Variants in TRHDE observed in about 807,000 individuals in gnomAD.
TRHDE encodes the protein thyrotropin releasing hormone degrading enzyme.
In TRHDE, 72 loss-of-function variants were observed where a neutral mutation model predicts 125.7. The observed-to-expected ratio is 0.57, with a 90% CI of 0.47 to 0.70. The LOEUF is 0.70. Among genes scored for constraint, TRHDE ranks in the 30% least tolerant of loss-of-function variants. The probability of loss-of-function intolerance (pLI) is 0.00; values close to 1 mark genes in which losing one functional copy is unlikely to be tolerated. For synonymous variants in TRHDE, 509 were observed against 509.1 expected (o/e 1.00, Z 0.00); for missense variants, 1,110 against 1,327.1 (o/e 0.84, Z 2.54).
chr12:72,109,202 A>G (rs949491420), intron 2 of TRHDE, among the ~76,000 whole-genome samples: 1 of 152,066 alleles, frequency 6.6e-6, no homozygotes, highest in Admixed American at 6.6e-5. Context: ...GCAGTAGAGT[A>G]GAGTAAGAAT....
chr12:72,152,512 A>T (rs1876392740), intron 2 of TRHDE, among the ~76,000 whole-genome samples: 1 of 152,196 alleles, frequency 6.6e-6, no homozygotes, highest in Admixed American at 6.5e-5. Context: ...TTGTCCATTC[A>T]GTATGATATT....
At chr12:72,126,329 C>T (rs12579260) in intron 2 of TRHDE, among the ~76,000 whole-genome samples, 6,839 of 152,118 alleles carry the variant, frequency 0.045, 297 homozygotes, top group South Asian at 0.11. Flanking sequence ...GCTACAAATG[C>T]CATTCTTCAC....
At chr12:72,597,762 T>TAGATAC (rs1555200904) in intron 12 of TRHDE, among the ~76,000 whole-genome samples, 1 of 80,682 alleles carries the variant, frequency 1.2e-5, no homozygotes. Context: ...TATATATGCA[T>TAGATAC]ACACACACAA....
At chr12:72,386,035 T>C (rs2135785568) in intron 3 of TRHDE, among the ~76,000 whole-genome samples, 1 of 152,360 alleles carries the variant, frequency 6.6e-6, no homozygotes, top group East Asian at 1.9e-4. Flanking sequence ...CCTCTTCTCC[T>C]AGAAGCTTAA....
chr12:72,184,271 G>A (rs1877156542), intron 2 of TRHDE, among the ~76,000 whole-genome samples: 1 of 152,106 alleles, frequency 6.6e-6, no homozygotes, highest in African/African-American at 2.4e-5. Context: ...TGGATGTACA[G>A]GCATAACTTT....
chr12:72,606,501 C>G lies in TRHDE; in HGVS notation c.2322-12390C>G, dbSNP rs1347195. On this transcript the variant is annotated intron_variant, in intron 12 of 18. Coordinates refer to ENST00000261180, the MANE Select transcript of TRHDE (RefSeq NM_013381.3). ...TACGAAATACTCTTCCATTTCTTGT[C>G]TTTTAACTCACGATGACGCTGGAAA... Among the ~76,000 whole-genome samples, 1,139 of 152,236 alleles carry G rather than the reference C, an allele frequency of 7.5e-3. 7 individuals are homozygous for G. Among genetic ancestry groups the G allele is most frequent in the Admixed American group, 0.018 (276 of 15,280 alleles).
At position 72,345,392 on chromosome 12, in the gene TRHDE, C is replaced by T. The variant is rs570876427; in HGVS notation, c.1189-32603C>T. On this transcript the variant is annotated intron_variant, in intron 2 of 18. Coordinates refer to ENST00000261180, the MANE Select transcript of TRHDE (RefSeq NM_013381.3). ...TTGAATGCAGAGCTGGGAAGAGATG[C>T]ATAGTCGCACACCATTGTCTAGTAT... is the stretch of plus-strand genomic sequence containing the variant. 2.0e-5 allele frequency among the ~76,000 whole-genome samples: 3 copies of T among 152,194 alleles called. No homozygotes were observed. In the Middle Eastern group the frequency reaches 0.01, roughly 518 times the overall value.
intron 3 of TRHDE, among the ~76,000 whole-genome samples, chr12:72,466,990 T>C (rs914316857): frequency 6.6e-6 from 1 of 152,226 alleles, no homozygotes; most frequent in African/African-American, 2.4e-5. Context: ...AAGGCAAAAC[T>C]GCGTCTATAT....
rs138013242 is a variant in TRHDE, at chr12:72,294,583, G to A, written c.1188+7629G>A. 4.7e-3 allele frequency among the ~76,000 whole-genome samples: 708 copies of A among 152,222 alleles called. 11 individuals carry two copies. The highest frequency in any genetic ancestry group is 0.016 in the African/African-American group (656 of 41,550). On this transcript the variant is annotated intron_variant, in intron 2 of 18. Transcript: ENST00000261180. Reference sequence around the variant, plus strand: ...CTGGCTGAGCATGGGGCTCTTATAAGCCTCAGAGGGGAGGAAGTGTACATT... The same window carrying A: ...CTGGCTGAGCATGGGGCTCTTATAAACCTCAGAGGGGAGGAAGTGTACATT...
Position 72,501,502 on chromosome 12 carries a change from T to G in TRHDE, c.1722+1867T>G, listed in dbSNP as rs367845269. Among the ~76,000 whole-genome samples, 146 of 152,266 alleles carry G rather than the reference T, an allele frequency of 9.6e-4. 2 individuals carry two copies. In the South Asian group the frequency reaches 0.029, roughly 30 times the overall value. ...ATATGGTGAATTATAATGATTAATTTTTTAATGTTAGACTATCTTTGCATT... is the reference window on the plus strand; with the variant it reads ...ATATGGTGAATTATAATGATTAATTGTTTAATGTTAGACTATCTTTGCATT... On this transcript the variant is annotated intron_variant, in intron 6 of 18. Coordinates refer to ENST00000261180, the MANE Select transcript of TRHDE (RefSeq NM_013381.3).
chr12:72,346,590 T>G (rs1422931039), intron 2 of TRHDE, among the ~76,000 whole-genome samples: 1 of 152,078 alleles, frequency 6.6e-6, no homozygotes, highest in Non-Finnish European at 1.5e-5. Context: ...AAAGGCACCC[T>G]ATGTACTACT....
chr12:72,307,910 C>T (rs1213367275), intron 2 of TRHDE, among the ~76,000 whole-genome samples: 1 of 152,100 alleles, frequency 6.6e-6, no homozygotes, highest in African/African-American at 2.4e-5. Flanking sequence ...ATTTTATGTG[C>T]ACCTGTAAAA....
intron 2 of TRHDE, among the ~76,000 whole-genome samples, chr12:72,127,099 C>A (rs961757426): frequency 2.0e-5 from 3 of 152,136 alleles, no homozygotes; most frequent in African/African-American, 7.2e-5. Context: ...AAAAAATGTT[C>A]TTTCTCACTA....
intron 6 of TRHDE, among the ~76,000 whole-genome samples, chr12:72,534,809 A>G (rs918891562): frequency 3.3e-5 from 5 of 152,076 alleles, no homozygotes; most frequent in Admixed American, 6.6e-5. Flanking sequence ...TATAGAGCTC[A>G]GAATATAGGA....
At chr12:72,595,653 G>A (rs1440563037) in intron 12 of TRHDE, among the ~76,000 whole-genome samples, 2 of 152,106 alleles carry the variant, frequency 1.3e-5, no homozygotes, top group Non-Finnish European at 2.9e-5. Flanking sequence ...AATTAAGTAT[G>A]AACATAGTCT....
At chr12:72,124,135 G>A (rs17110876) in intron 2 of TRHDE, among the ~76,000 whole-genome samples, 2,045 of 152,114 alleles carry the variant, frequency 0.013, 86 homozygotes, top group East Asian at 0.09. Context: ...CATCTAATTC[G>A]TAGTGCCTCT....
At chr12:72,470,059 C>A in intron 4 of TRHDE, 147 bp downstream of exon 4, 1 of 752,426 alleles carries the variant, frequency 1.3e-6, no homozygotes, top group Non-Finnish European at 2.1e-6. Flanking sequence ...GAAGATATGT[C>A]ATTTTTCTCC....
At chr12:72,400,556 G>A (rs1872999116) in intron 3 of TRHDE, among the ~76,000 whole-genome samples, 1 of 152,176 alleles carries the variant, frequency 6.6e-6, no homozygotes, top group Non-Finnish European at 1.5e-5. Context: ...CCTTGGGAGA[G>A]TAGTGAGGAC....
At chr12:72,171,236 T>G (rs1876866914) in intron 2 of TRHDE, among the ~76,000 whole-genome samples, 1 of 150,926 alleles carries the variant, frequency 6.6e-6, no homozygotes, top group Non-Finnish European at 1.5e-5. Context: ...AAAAGAGGCC[T>G]TATCTAAATG....
Sources: gnomAD v4.1 joint callset for allele counts (sites outside exome capture counted in the v4.1 genomes callset) on GRCh38, gnomAD v4.1.1 for gene constraint, MANE v1.5 for transcripts, NCBI Gene and HGNC (gene_info 2026-07-23, HGNC 2026-07-21) for gene names.